Variants in SEC14L5 observed in about 807,000 individuals in gnomAD.
The protein encoded by SEC14L5 is SEC14-like protein 5.
A neutral mutation model predicts 84.6 loss-of-function variants in SEC14L5; 96 were observed. The observed-to-expected ratio is 1.13, with a 90% CI of 0.96 to 1.34. The LOEUF (loss-of-function observed/expected upper bound fraction) is 1.34. Ranked by LOEUF, SEC14L5 falls within the 40% of genes most tolerant of loss-of-function variation. SEC14L5 has a pLI of 0.00. For missense variants in SEC14L5, 1,224 were observed against 942.5 expected, an observed-to-expected ratio of 1.30 and a Z score of -3.91; for synonymous variants, 546 against 383.4, an observed-to-expected ratio of 1.42 and a Z score of -4.95.
rs58790974 is a variant in SEC14L5 at position 4,996,409 on chromosome 16, G to C, written c.729G>C (p.Glu243Asp). 6.4e-7 allele frequency: 1 copy of C among 1,574,560 alleles called. No individual in the cohort carries two copies. The highest frequency in any genetic ancestry group is 8.6e-7 in the Non-Finnish European group (1 of 1,160,906). Residue 243 changes from glutamate to aspartate, a missense_variant, in exon 7 of 16, where the codon GAG becomes GAC. Glu to Asp is a conservative substitution (Grantham distance 45). Transcript: ENST00000251170. ...TGGGCCACCTCACGCCCATGCAGGA[G>C]AGCTGCCTGATCCAGCTTCGGCACT... ...RCLGHLTPMQ[E>D]SCLIQLRHWL...
chr16:5,011,139 G>A lies in SEC14L5; in HGVS notation c.1845G>A (p.Trp615Ter). The change falls in exon 15 of 16, where the codon TGG becomes TGA. Residue 615 changes from tryptophan (W) to a stop codon, truncating the protein, a stop_gained. Coordinates refer to ENST00000251170, the MANE Select transcript of SEC14L5 (RefSeq NM_014692.2). LOFTEE classifies it high-confidence loss of function. The stretch of plus-strand genomic sequence containing the variant: ...GGCCCGGCGTCTACCTGCTCCAGTG[G>A]CAAATGCACAGCCCCCCCAGCAGCG... Reference protein sequence around the residue: ...TRWPGVYLLQWQMHSPPSSVA... With the variant: ...TRWPGVYLLQ The A allele has an allele frequency of 1.2e-6, 2 of 1,611,570 alleles. No homozygotes were observed. Among genetic ancestry groups the A allele is most frequent in the Non-Finnish European group, 8.5e-7 (1 of 1,178,984 alleles).
chr16:4,964,561 G>A (rs149176382), intron 2 of SEC14L5, among the ~76,000 whole-genome samples: 431 of 152,092 alleles, frequency 2.8e-3, no homozygotes, highest in African/African-American at 9.3e-3. Context: ...TCCAGCCTGG[G>A]TGACAGAGTG....
At chr16:4,989,306 T>TTTG (rs1555529651) in intron 4 of SEC14L5, among the ~76,000 whole-genome samples, 26 of 148,452 alleles carry the variant, frequency 1.8e-4, no homozygotes, top group Admixed American at 2.8e-4. Context: ...GTGTTTTTTT[T>TTTG]TTTGTTTGTT....
intron 2 of SEC14L5, among the ~76,000 whole-genome samples, chr16:4,984,793 G>A (rs1955466317): frequency 1.3e-5 from 2 of 152,200 alleles, no homozygotes; most frequent in South Asian, 4.1e-4. Context: ...AGTGACTAAT[G>A]ATGTTGAACA....
rs1173633632 is a variant in SEC14L5 at position 4,958,403 on chromosome 16, G to C, written c.-94G>C. On this transcript the variant is annotated 5_prime_UTR_variant, in exon 1 of 16. Transcript: ENST00000251170. ...GTCCTGGCCGCAGGGTGTTCAAGGC[G>C]GGACACACCAGGCTAGAGATCCGCG... 1 of 152,666 alleles carries C rather than the reference G, an allele frequency of 6.6e-6. No individual in the cohort carries two copies. Among genetic ancestry groups the C allele is most frequent in the Non-Finnish European group, 1.5e-5 (1 of 68,094 alleles). 9.5% of individuals were successfully genotyped at this position (152,666 alleles called of 1,614,324 possible).
At chr16:4,989,305 TTTTTG>T (rs1444918778) in intron 4 of SEC14L5, among the ~76,000 whole-genome samples, 1 of 148,290 alleles carries the variant, frequency 6.7e-6, no homozygotes, top group African/African-American at 2.5e-5. Flanking sequence ...CGTGTTTTTT[TTTTTG>T]TTTGTTTGTT....
At chr16:5,008,167 C>T (rs1037729468) in intron 13 of SEC14L5, among the ~76,000 whole-genome samples, 5 of 151,658 alleles carry the variant, frequency 3.3e-5, no homozygotes, top group East Asian at 1.9e-4. Context: ...CCACCCACCT[C>T]GGCCTCCCAA....
Position 4,990,807 on chromosome 16 carries a change from C to G in SEC14L5, c.386C>G (p.Ser129Cys). The stretch of plus-strand genomic sequence containing the variant: ...GAAGACTGGACTTGCTTCGAGCAGT[C>G]TGCCTCACTGGACATTCGGTCTTTC... ...ENEDWTCFEQ[S>C]ASLDIRSFFG... The change falls in exon 5 of 16, where the codon TCT (serine) becomes TGT (cysteine). Residue 129 changes from serine (S) to cysteine (C), a missense_variant. Physicochemically the swap from Ser to Cys is moderately radical, Grantham distance 112. Transcript: ENST00000251170. The G allele has an allele frequency of 8.1e-6, 13 of 1,612,172 alleles. No homozygotes were observed. Among genetic ancestry groups the G allele is most frequent in the Middle Eastern group, 1.7e-4 (1 of 6,056 alleles).
intron 2 of SEC14L5, among the ~76,000 whole-genome samples, chr16:4,975,804 G>C (rs1955332624): frequency 6.6e-6 from 1 of 152,186 alleles, no homozygotes; most frequent in Non-Finnish European, 1.5e-5. Context: ...GACTCCTGAA[G>C]AGTATGACAG....
chr16:4,988,614 C>T (rs889213368), intron 4 of SEC14L5, among the ~76,000 whole-genome samples: 1 of 151,926 alleles, frequency 6.6e-6, no homozygotes, highest in Admixed American at 6.6e-5. Context: ...CCCTCCTTTC[C>T]TTCCTTCTTT....
intron 8 of SEC14L5, among the ~76,000 whole-genome samples, chr16:4,998,759 A>T (rs867483622): frequency 2.6e-4 from 39 of 151,352 alleles, no homozygotes; most frequent in African/African-American, 6.3e-4. Flanking sequence ...AAAAAAAAAA[A>T]AAAAAAATAA....
chr16:4,991,285 A>G, intron 5 of SEC14L5, among the ~76,000 whole-genome samples: 1 of 151,722 alleles, frequency 6.6e-6, no homozygotes, highest in South Asian at 2.1e-4. Flanking sequence ...TTTAATAACA[A>G]ATTTTTAAAC....
chr16:4,972,494 T>A (rs1197007923), intron 2 of SEC14L5, among the ~76,000 whole-genome samples: 2 of 152,204 alleles, frequency 1.3e-5, no homozygotes, highest in Admixed American at 1.3e-4. Context: ...CTCCACTCCC[T>A]GCTCCCCACT....
At chr16:5,005,657 C>A (rs62036198) in intron 11 of SEC14L5, among the ~76,000 whole-genome samples, 36,427 of 151,498 alleles carry the variant, frequency 0.24, 5,244 homozygotes, top group Admixed American at 0.36. Context: ...GTCAGGAGAT[C>A]GAGACCATCC....
At chr16:5,005,163 A>C (rs78834010) in intron 11 of SEC14L5, among the ~76,000 whole-genome samples, 1 of 152,080 alleles carries the variant, frequency 6.6e-6, no homozygotes, top group Non-Finnish European at 1.5e-5. Flanking sequence ...TAAAATACAA[A>C]AATTAGCCAG....
chr16:5,003,624 G>GGGGGGGGGGGGCCC, intron 11 of SEC14L5, 51 bp downstream of exon 11: 1 of 305,310 alleles, frequency 3.3e-6, no homozygotes, highest in Non-Finnish European at 6.5e-6. Flanking sequence ...GGTGGGATGG[G>GGGGGGGGGGGGCCC]AGGGGTTCCG....
At chr16:4,983,832 G>A (rs891486938) in intron 2 of SEC14L5, among the ~76,000 whole-genome samples, 1 of 151,544 alleles carries the variant, frequency 6.6e-6, no homozygotes, top group Non-Finnish European at 1.5e-5. Flanking sequence ...AGCCGAGATC[G>A]CGCCATTGTA....
In SEC14L5 at chr16:5,005,519, C is replaced by T. The variant is rs146170450; in HGVS notation, c.1303-395C>T. Among the ~76,000 whole-genome samples, 1,300 of 151,892 alleles carry T rather than the reference C, an allele frequency of 8.6e-3. 8 individuals are homozygous for T. Among genetic ancestry groups the T allele is most frequent in the Non-Finnish European group, 0.015 (993 of 67,974 alleles). On this transcript the variant is annotated intron_variant, in intron 11 of 15. Transcript: ENST00000251170. Reference sequence around the variant, plus strand: ...GTGCACTGAAAGCCACTGAACTGTGCACTTTATAATGATTAATTCTATGTT... The same window carrying T: ...GTGCACTGAAAGCCACTGAACTGTGTACTTTATAATGATTAATTCTATGTT...
At position 5,011,150 on chromosome 16, in the gene SEC14L5, GCC is replaced by G; in HGVS notation, c.1862_1863del (p.Pro621GlnfsTer31). 6.2e-7 allele frequency: 1 copy of G among 1,612,222 alleles called. No homozygotes were observed. Among genetic ancestry groups the G allele is most frequent in the Non-Finnish European group, 8.5e-7 (1 of 1,179,254 alleles). ...TACCTGCTCCAGTGGCAAATGCACA[GCC>G]CCCCCAGCAGCGTGGCCTGCAGCCT... On this transcript the variant is annotated frameshift_variant, in exon 15 of 16. Coordinates refer to ENST00000251170, the MANE Select transcript of SEC14L5 (RefSeq NM_014692.2). LOFTEE classifies it high-confidence loss of function.
Sources: allele counts gnomAD v4.1 joint callset (sites outside exome capture counted in the v4.1 genomes callset), GRCh38; gene constraint gnomAD v4.1.1; transcripts MANE v1.5; gene names NCBI Gene and HGNC (gene_info 2026-07-23, HGNC 2026-07-21).